The following KCNAB1 variants were observed in gnomAD, a reference collection of about 807,000 sequenced individuals.
The protein encoded by KCNAB1 is potassium voltage-gated channel subfamily A regulatory beta subunit 1.
A neutral mutation model predicts 64.6 loss-of-function variants in KCNAB1; 35 were observed. The observed-to-expected ratio is 0.54, with a 90% confidence interval of 0.41 to 0.72. KCNAB1 has a LOEUF of 0.72. Among genes scored for constraint, KCNAB1 ranks in the 30% least tolerant of loss-of-function variants. The probability of loss-of-function intolerance (pLI) is 0.00; values close to 1 mark genes in which losing one functional copy is unlikely to be tolerated. For synonymous variants in KCNAB1, 177 were observed against 183.8 expected (o/e 0.96, Z 0.30); for missense variants, 401 against 512.9 (o/e 0.78, Z 2.11).
intron 1 of KCNAB1, among the ~76,000 whole-genome samples, chr3:156,293,987 A>C (rs971083976): frequency 6.6e-6 from 1 of 152,242 alleles, no homozygotes; most frequent in South Asian, 2.1e-4. Flanking sequence ...TCGCAGCACT[A>C]TGAACTTTCT....
intron 11 of KCNAB1, among the ~76,000 whole-genome samples, chr3:156,522,213 G>C (rs1174144385): frequency 6.6e-6 from 1 of 151,680 alleles, no homozygotes; most frequent in Non-Finnish European, 1.5e-5. Flanking sequence ...AAAGCAGTTG[G>C]CTATTAGTTT....
chr3:156,435,815 G>A (rs1716547095), intron 2 of KCNAB1, among the ~76,000 whole-genome samples: 1 of 151,898 alleles, frequency 6.6e-6, no homozygotes, highest in Non-Finnish European at 1.5e-5. Flanking sequence ...GTTCTGTTGT[G>A]TGCATGTTCA....
intron 1 of KCNAB1, chr3:156,218,153 G>A (rs1715438029): frequency 1.3e-5 from 2 of 152,292 alleles, no homozygotes; most frequent in Admixed American, 1.3e-4. Flanking sequence ...GTGGGGACAT[G>A]GTGGGAATGA....
At chr3:156,271,658 G>A (rs747726748) in intron 1 of KCNAB1, among the ~76,000 whole-genome samples, 8 of 152,156 alleles carry the variant, frequency 5.3e-5, no homozygotes, top group Admixed American at 1.3e-4. Context: ...TGTATGAAAC[G>A]TCAAATATCT....
intron 8 of KCNAB1, among the ~76,000 whole-genome samples, chr3:156,483,866 G>A (rs560119183): frequency 1.3e-5 from 2 of 152,146 alleles, no homozygotes; most frequent in African/African-American, 2.4e-5. Context: ...TTTCCAACTG[G>A]GTTCCATAGA....
At chr3:156,177,539 G>A (rs1712474066) in intron 1 of KCNAB1, among the ~76,000 whole-genome samples, 1 of 151,940 alleles carries the variant, frequency 6.6e-6, no homozygotes, top group African/African-American at 2.4e-5. Flanking sequence ...ACCCCGCCTG[G>A]CTAATTTTTT....
At chr3:156,246,634 CAAAA>C (rs11293726) in intron 1 of KCNAB1, among the ~76,000 whole-genome samples, 6 of 125,978 alleles carry the variant, frequency 4.8e-5, no homozygotes, top group Admixed American at 8.1e-5. Context: ...AAAAAAGCAG[CAAAA>C]AAAAAAAAAA....
At chr3:156,177,443 C>T (rs1712462023) in intron 1 of KCNAB1, among the ~76,000 whole-genome samples, 1 of 152,158 alleles carries the variant, frequency 6.6e-6, no homozygotes, top group Non-Finnish European at 1.5e-5. Flanking sequence ...GCGGCGCAAT[C>T]TCGGCTCACA....
intron 1 of KCNAB1, among the ~76,000 whole-genome samples, chr3:156,170,709 C>T (rs1193264082): frequency 1.3e-5 from 2 of 152,138 alleles, no homozygotes; most frequent in Non-Finnish European, 2.9e-5. Context: ...AGCCATAATG[C>T]TCCCAACTTC....
At chr3:156,264,014 G>A (rs1005374853) in intron 1 of KCNAB1, among the ~76,000 whole-genome samples, 3 of 152,084 alleles carry the variant, frequency 2.0e-5, no homozygotes, top group East Asian at 1.9e-4. Flanking sequence ...CATTAAAATC[G>A]CCAAGAAGAA....
At chr3:156,270,874 A>C (rs556726483) in intron 1 of KCNAB1, among the ~76,000 whole-genome samples, 1 of 152,276 alleles carries the variant, frequency 6.6e-6, no homozygotes, top group East Asian at 1.9e-4. Flanking sequence ...GACAGGACTG[A>C]TGATGAAATC....
At chr3:156,139,596 T>TTG (rs1553807278) in intron 1 of KCNAB1, among the ~76,000 whole-genome samples, 16 of 146,180 alleles carry the variant, frequency 1.1e-4, no homozygotes, top group Non-Finnish European at 2.1e-4. Context: ...TTTTTTTTTT[T>TTG]TTTTTTTTTT....
rs76536259 is a variant in KCNAB1, at chr3:156,163,679, A to C, written c.275+42793A>C. On this transcript the variant is annotated intron_variant, in intron 1 of 13. Transcript: ENST00000490337. ...CTGCAATGAGCACATTCCTGGCACC[A>C]GCTGAATCTTACGATAAGAGATATA... 3.9e-3 allele frequency among the ~76,000 whole-genome samples: 599 copies of C among 152,350 alleles called. 1 individual carries two copies. Among genetic ancestry groups the C allele is most frequent in the Non-Finnish European group, 6.7e-3 (453 of 68,024 alleles).
chr3:156,442,633 A>G (rs1400250305), intron 2 of KCNAB1, among the ~76,000 whole-genome samples: 1 of 152,202 alleles, frequency 6.6e-6, no homozygotes, highest in African/African-American at 2.4e-5. Context: ...CACAGGCATT[A>G]GAAGGTCAGC....
At chr3:156,124,617 T>G (rs1332316150) in intron 1 of KCNAB1, among the ~76,000 whole-genome samples, 1 of 152,208 alleles carries the variant, frequency 6.6e-6, no homozygotes, top group Admixed American at 6.5e-5. Context: ...ATATATTTAT[T>G]TATTCTTAAT....
At chr3:156,122,725 T>C (rs1196693158) in intron 1 of KCNAB1, among the ~76,000 whole-genome samples, 1 of 152,174 alleles carries the variant, frequency 6.6e-6, no homozygotes, top group African/African-American at 2.4e-5. Flanking sequence ...GATCAAAAAT[T>C]AAAAATTTCC....
chr3:156,120,355 A>G (rs898299634), upstream of KCNAB1, among the ~76,000 whole-genome samples: 1 of 152,238 alleles, frequency 6.6e-6, no homozygotes, highest in African/African-American at 2.4e-5. Context: ...TCAGTATTAC[A>G]AAGTTGTTGG....
intron 1 of KCNAB1, among the ~76,000 whole-genome samples, chr3:156,130,592 A>G (rs1487554984): frequency 6.6e-6 from 1 of 152,250 alleles, no homozygotes; most frequent in Admixed American, 6.5e-5. Context: ...TAAAGCCAGT[A>G]CTTGAATCTG....
intron 3 of KCNAB1, among the ~76,000 whole-genome samples, chr3:156,453,702 G>A (rs1187706184): frequency 6.6e-6 from 1 of 152,154 alleles, no homozygotes; most frequent in Non-Finnish European, 1.5e-5. Flanking sequence ...GAACTCCCCT[G>A]AGGGCAATGC....
Sources: allele counts gnomAD v4.1 joint callset (sites outside exome capture counted in the v4.1 genomes callset), GRCh38; gene constraint gnomAD v4.1.1; transcripts MANE v1.5; gene names NCBI Gene and HGNC (gene_info 2026-07-23, HGNC 2026-07-21).